The following TMEM232 variants were observed in gnomAD, a reference collection of about 807,000 sequenced individuals.
TMEM232 encodes the protein transmembrane protein 232.
In TMEM232, 80 loss-of-function variants were observed where a neutral mutation model predicts 78.8. That is an observed-to-expected ratio of 1.01 (90% CI 0.85 to 1.22). The LOEUF (loss-of-function observed/expected upper bound fraction) is 1.22, where lower values mean the gene tolerates loss of function less well. TMEM232 is among the 50% of genes most tolerant of loss of function. The pLI is 0.00. For synonymous variants in TMEM232, 297 were observed against 254.3 expected (o/e 1.17, Z -1.60); for missense variants, 881 against 742.2 (o/e 1.19, Z -2.17).
chr5:110,659,274 G>A (rs1022685615), intron 2 of TMEM232, among the ~76,000 whole-genome samples: 2 of 151,990 alleles, frequency 1.3e-5, no homozygotes, highest in African/African-American at 4.8e-5. Context: ...CCTAACCTCA[G>A]GAAGCCACAT....
At chr5:110,629,035 A>C (rs1214887076) in intron 5 of TMEM232, 1 of 152,048 alleles carries the variant, frequency 6.6e-6, no homozygotes, top group Admixed American at 6.6e-5. Flanking sequence ...TAAAAATAAC[A>C]TGTTTATAAG....
intron 11 of TMEM232, among the ~76,000 whole-genome samples, chr5:110,532,667 T>C (rs1480838245): frequency 6.6e-6 from 1 of 152,020 alleles, no homozygotes; most frequent in Non-Finnish European, 1.5e-5. Context: ...CTATATCTCA[T>C]TGCTACCCTT....
chr5:110,455,657 C>T (rs1760823330), intron 12 of TMEM232, among the ~76,000 whole-genome samples: 1 of 152,120 alleles, frequency 6.6e-6, no homozygotes, highest in Non-Finnish European at 1.5e-5. Flanking sequence ...GGATTACAGG[C>T]ATAAGCCACC....
chr5:110,675,595 G>T (rs568645425), intron 1 of TMEM232, among the ~76,000 whole-genome samples: 5 of 152,234 alleles, frequency 3.3e-5, no homozygotes, highest in African/African-American at 1.2e-4. Context: ...AGAGCCTCCA[G>T]GTAACAGACT....
intron 12 of TMEM232, among the ~76,000 whole-genome samples, chr5:110,444,564 T>C (rs987694702): frequency 1.3e-5 from 2 of 152,208 alleles, no homozygotes; most frequent in African/African-American, 4.8e-5. Context: ...CCGTGACAGT[T>C]GTTTAACTTT....
chr5:110,461,940 T>C (rs1266107867), intron 12 of TMEM232, among the ~76,000 whole-genome samples: 1 of 152,208 alleles, frequency 6.6e-6, no homozygotes. Flanking sequence ...CACCTAGTTA[T>C]CCAAAAGCTC....
chr5:110,675,840 T>C (rs758483102), intron 1 of TMEM232, among the ~76,000 whole-genome samples: 11 of 152,188 alleles, frequency 7.2e-5, no homozygotes, highest in Non-Finnish European at 1.6e-4. Flanking sequence ...GTATTAACTA[T>C]AGTCACCATG....
intron 2 of TMEM232, among the ~76,000 whole-genome samples, chr5:110,648,664 C>T (rs916604831): frequency 6.6e-6 from 1 of 151,928 alleles, no homozygotes; most frequent in Non-Finnish European, 1.5e-5. Flanking sequence ...CTGGGACCAC[C>T]GCTTATGGTA....
At chr5:110,690,931 AT>A (rs1458353506) in intron 1 of TMEM232, among the ~76,000 whole-genome samples, 1 of 151,346 alleles carries the variant, frequency 6.6e-6, no homozygotes, top group Non-Finnish European at 1.5e-5. Context: ...CAATGAGAAC[AT>A]GTGGACATAG....
rs527859201 is a variant in TMEM232, at chr5:110,653,667, CATG to C, written c.126-11299_126-11297del. On this transcript the variant is annotated intron_variant, in intron 2 of 13. Transcript: ENST00000455884. ...AATAATGGGATATGAGAAAAGAAAT[CATG>C]ATGTCAAGCATACAGATAAACTCAA... 5.7e-3 allele frequency among the ~76,000 whole-genome samples: 860 copies of C among 152,170 alleles called. 14 individuals are homozygous for C. The highest frequency in any genetic ancestry group is 0.02 in the African/African-American group (840 of 41,526).
At chr5:110,606,907 T>TA (rs1781609785) in intron 8 of TMEM232, among the ~76,000 whole-genome samples, 1 of 152,024 alleles carries the variant, frequency 6.6e-6, no homozygotes, top group African/African-American at 2.4e-5. Context: ...GTGATACTTT[T>TA]ACTAAATGAA....
intron 1 of TMEM232, among the ~76,000 whole-genome samples, chr5:110,690,418 A>C (rs1793974134): frequency 6.6e-6 from 1 of 152,230 alleles, no homozygotes; most frequent in East Asian, 1.9e-4. Context: ...TCAAAACCAC[A>C]ATGAGATACC....
intron 1 of TMEM232, among the ~76,000 whole-genome samples, chr5:110,694,664 G>A (rs1457298005): frequency 6.6e-6 from 1 of 151,866 alleles, no homozygotes; most frequent in Non-Finnish European, 1.5e-5. Context: ...CCTAGTCGCT[G>A]ATAAAACAGA....
upstream of TMEM232, among the ~76,000 whole-genome samples, chr5:110,731,506 A>C (rs1798678463): frequency 6.6e-6 from 1 of 152,216 alleles, no homozygotes; most frequent in African/African-American, 2.4e-5. Flanking sequence ...CATCTTCGGA[A>C]ATCTAGGCAG....
intron 2 of TMEM232, among the ~76,000 whole-genome samples, chr5:110,644,944 T>G (rs1787274745): frequency 6.6e-6 from 1 of 151,416 alleles, no homozygotes; most frequent in South Asian, 2.1e-4. Context: ...TAAGAAACTA[T>G]TATGACCAAT....
intron 11 of TMEM232, among the ~76,000 whole-genome samples, chr5:110,546,214 AC>A (rs911604487): frequency 3.9e-5 from 6 of 152,098 alleles, no homozygotes; most frequent in Admixed American, 3.3e-4. Flanking sequence ...GGATAAAAAA[AC>A]ATATGAGATG....
At chr5:110,667,497 G>A in intron 1 of TMEM232, 133 bp from the exon 2 acceptor site, 3 of 630,280 alleles carry the variant, frequency 4.8e-6, no homozygotes, top group South Asian at 3.4e-5. Flanking sequence ...TCTATATTAA[G>A]GAAGAATTTA....
chr5:110,625,349 A>G lies in TMEM232; in HGVS notation c.686T>C (p.Ile229Thr), dbSNP rs1008917132. ...VQFILKASEIIGKRELRSESI... is the reference protein window; with the variant it reads ...VQFILKASEITGKRELRSESI... ...TTCAGAACGGAGTTCTCTTTTACCTATAATTTCCGAGGCTTTCAGGATGAA... is the reference window on the plus strand; with the variant it reads ...TTCAGAACGGAGTTCTCTTTTACCTGTAATTTCCGAGGCTTTCAGGATGAA... The change falls in exon 7 of 14, where the codon ATA (isoleucine) becomes ACA (threonine). Residue 229 changes from isoleucine (I) to threonine (T), a missense_variant. Ile to Thr is a moderately conservative substitution (Grantham distance 89, BLOSUM62 -1). Coordinates refer to ENST00000455884, the MANE Select transcript of TMEM232 (RefSeq NM_001039763.4). 24 of 1,548,234 alleles carry G rather than the reference A, an allele frequency of 1.6e-5. No individual in the cohort carries two copies. In the African/African-American group the frequency reaches 2.9e-4, roughly 19 times the overall value.
intron 1 of TMEM232, among the ~76,000 whole-genome samples, chr5:110,668,470 G>C (rs1445641025): frequency 6.6e-6 from 1 of 152,168 alleles, no homozygotes; most frequent in Non-Finnish European, 1.5e-5. Flanking sequence ...AAGCCAGAAA[G>C]TACAGGGGCA....
Sources: gnomAD v4.1 joint callset for allele counts (sites outside exome capture counted in the v4.1 genomes callset) on GRCh38, gnomAD v4.1.1 for gene constraint, MANE v1.5 for transcripts, NCBI Gene and HGNC (gene_info 2026-07-23, HGNC 2026-07-21) for gene names.